Variants in EPB41L5 observed in about 807,000 individuals in gnomAD.
EPB41L5 encodes band 4.1-like protein 5.
Under a neutral mutation model 106.6 loss-of-function variants are expected in EPB41L5, and 55 were observed. That is an observed-to-expected ratio of 0.52 (90% CI 0.42 to 0.65). The LOEUF is 0.65. EPB41L5 is among the 30% of genes least tolerant of loss of function. The pLI is 0.00. For missense variants in EPB41L5, 871 were observed against 882.1 expected (o/e 0.99, Z 0.16); for synonymous variants, 297 against 306.7 (o/e 0.97, Z 0.33).
intron 2 of EPB41L5, among the ~76,000 whole-genome samples, chr2:120,022,782 A>T (rs1159409977): frequency 6.6e-6 from 1 of 152,178 alleles, no homozygotes; most frequent in Non-Finnish European, 1.5e-5. Flanking sequence ...TGGTTGAACT[A>T]ATTTACACTC....
rs929137013 is a variant in EPB41L5, at chr2:120,100,260, T to G, written c.1195T>G (p.Ser399Ala). 6.2e-7 allele frequency: 1 copy of G among 1,613,602 alleles called. No homozygotes were observed. Among genetic ancestry groups the G allele is most frequent in the Non-Finnish European group, 8.5e-7 (1 of 1,179,688 alleles). Reference sequence around the variant, plus strand: ...CCATTACAGTGTTCACAATAATGTTTCGACCCAAAGTAATGGCTCCCAACA... The same window carrying G: ...CCATTACAGTGTTCACAATAATGTTGCGACCCAAAGTAATGGCTCCCAACA... ...PEELSVHNNV[S>A]TQSNGSQQAW... The change falls in exon 15 of 25, where the codon TCG (serine) becomes GCG (alanine). Residue 399 changes from serine to alanine, a missense_variant. Ser to Ala is a moderately conservative substitution (Grantham distance 99, BLOSUM62 1). Transcript: ENST00000263713.
intron 17 of EPB41L5, 149 bp downstream of exon 17, chr2:120,128,000 TTAAGG>T (rs746677563): frequency 4.3e-4 from 247 of 579,662 alleles, no homozygotes; most frequent in Non-Finnish European, 6.4e-4. Flanking sequence ...CCTTTTTGAC[TTAAGG>T]TAACACTGAA....
At chr2:120,035,272 A>T (rs1026973221) in intron 2 of EPB41L5, among the ~76,000 whole-genome samples, 3 of 151,974 alleles carry the variant, frequency 2.0e-5, no homozygotes, top group African/African-American at 4.8e-5. Flanking sequence ...TTTTTTAAAA[A>T]TTTTTTGTAG....
intron 24 of EPB41L5, among the ~76,000 whole-genome samples, chr2:120,172,550 G>T (rs2105577119): frequency 6.6e-6 from 1 of 152,318 alleles, no homozygotes; most frequent in South Asian, 2.1e-4. Flanking sequence ...CAAACTATCA[G>T]TGAAGTGTGA....
intron 3 of EPB41L5, among the ~76,000 whole-genome samples, chr2:120,069,127 T>A (rs1344316423): frequency 4.1e-5 from 1 of 24,246 alleles, no homozygotes; most frequent in African/African-American, 2.0e-4. Flanking sequence ...AAACTCTGTC[T>A]CAAAAAAAAA....
chr2:120,160,673 A>G (rs1055100924), intron 20 of EPB41L5: 35 of 529,926 alleles, frequency 6.6e-5, no homozygotes, highest in African/African-American at 5.3e-4. Context: ...GTTATTGCCT[A>G]TCTTTTTTAT....
At chr2:120,079,633 G>C (rs1286324755) in intron 10 of EPB41L5, among the ~76,000 whole-genome samples, 2 of 152,134 alleles carry the variant, frequency 1.3e-5, no homozygotes, top group African/African-American at 2.4e-5. Context: ...TGATCAGCTC[G>C]GAAGTCCTGG....
intron 16 of EPB41L5, among the ~76,000 whole-genome samples, chr2:120,118,770 T>C (rs1464545896): frequency 6.6e-6 from 1 of 152,224 alleles, no homozygotes; most frequent in Non-Finnish European, 1.5e-5. Context: ...ATTGATTCCA[T>C]GTCTTAGGTG....
intron 16 of EPB41L5, among the ~76,000 whole-genome samples, chr2:120,117,474 T>G (rs1242937919): frequency 2.0e-5 from 3 of 152,186 alleles, no homozygotes; most frequent in Non-Finnish European, 4.4e-5. Context: ...AATTTTAATT[T>G]TTCTAGATAT....
At chr2:120,120,470 G>GA (rs937915212) in intron 16 of EPB41L5, among the ~76,000 whole-genome samples, 1 of 132,476 alleles carries the variant, frequency 7.5e-6, no homozygotes. Context: ...CAAGAAAAAA[G>GA]AAAAAAAAGC....
chr2:120,090,242 G>T lies in EPB41L5; in HGVS notation c.874-105G>T. ...CTATAAAGAGTGTCTGAATTTCAGG[G>T]AGCACACTAGATCCTTTATTCATGG... On this transcript the variant is annotated intron_variant, in intron 11 of 24. Transcript: ENST00000263713. The T allele has an allele frequency of 4.5e-6, 4 of 897,084 alleles. No homozygotes were observed. In the South Asian group the frequency reaches 9.1e-5, roughly 20 times the overall value. The allele number at this position is 897,084 out of a possible 1,614,324, so 55.6% of individuals were successfully genotyped here. A position where few individuals can be genotyped will look rare whatever the true frequency, so the allele number is the denominator to read the frequency against.
At chr2:120,143,790 G>T in intron 19 of EPB41L5, among the ~76,000 whole-genome samples, 1 of 151,924 alleles carries the variant, frequency 6.6e-6, no homozygotes, top group East Asian at 1.9e-4. Context: ...TTTCTCCCCA[G>T]AATATAAACA....
At chr2:120,100,131 CA>C in intron 14 of EPB41L5, 112 bp from the exon 15 acceptor site, 2 of 754,990 alleles carry the variant, frequency 2.6e-6, no homozygotes, top group Admixed American at 5.8e-5. Flanking sequence ...TTATTTGAAA[CA>C]AAACGTTAAT....
intron 13 of EPB41L5, among the ~76,000 whole-genome samples, chr2:120,091,876 A>G (rs377299350): frequency 6.6e-6 from 1 of 152,156 alleles, no homozygotes; most frequent in East Asian, 1.9e-4. Context: ...CCCAATTCAA[A>G]TGATAGTCTG....
At chr2:120,109,077 C>T (rs1684603776) in intron 16 of EPB41L5, among the ~76,000 whole-genome samples, 1 of 152,042 alleles carries the variant, frequency 6.6e-6, no homozygotes, top group African/African-American at 2.4e-5. Context: ...ACCAGAGTAC[C>T]TCATTGGGTC....
At chr2:120,041,858 C>T (rs974682882) in intron 2 of EPB41L5, 148 bp from the exon 3 acceptor site, 7 of 500,388 alleles carry the variant, frequency 1.4e-5, no homozygotes, top group Middle Eastern at 5.5e-4. Flanking sequence ...ACTGTAATGT[C>T]TTATGCATTA....
rs539589427 is a variant in EPB41L5 at position 120,153,195 on chromosome 2, TTTCA to T, written c.1793+6912_1793+6915del. On this transcript the variant is annotated intron_variant, in intron 20 of 24. Transcript: ENST00000263713. ...TGCATTTCAAATATTTTGGTATTTTTTTCATTCATCTCAAATTATTTTCTAATTT... is the reference window on the plus strand; with the variant it reads ...TGCATTTCAAATATTTTGGTATTTTTTTCATCTCAAATTATTTTCTAATTT... 6.0e-3 allele frequency among the ~76,000 whole-genome samples: 916 copies of T among 152,294 alleles called. 6 individuals are homozygous for T. Among genetic ancestry groups the T allele is most frequent in the Non-Finnish European group, 0.01 (691 of 68,006 alleles).
chr2:120,064,227 TAAG>T (rs1016498601), intron 3 of EPB41L5, among the ~76,000 whole-genome samples: 2 of 152,244 alleles, frequency 1.3e-5, no homozygotes, highest in Non-Finnish European at 2.9e-5. Flanking sequence ...AAATTTGTTT[TAAG>T]ATAATTCTTT....
chr2:120,173,191 A>T (rs1170202152), intron 24 of EPB41L5, among the ~76,000 whole-genome samples: 48 of 152,366 alleles, frequency 3.2e-4, no homozygotes, highest in Admixed American at 5.9e-4. Flanking sequence ...TATTTACATA[A>T]TTACAACAAA....
Sources: allele counts gnomAD v4.1 joint callset (sites outside exome capture counted in the v4.1 genomes callset), GRCh38; gene constraint gnomAD v4.1.1; transcripts MANE v1.5; gene names NCBI Gene and HGNC (gene_info 2026-07-23, HGNC 2026-07-21).